Variants in ARMC6 observed in about 807,000 individuals in gnomAD.
The protein encoded by ARMC6 is armadillo repeat containing 6, also known as armadillo repeat-containing protein 6.
In ARMC6, 43 loss-of-function variants were observed where a neutral mutation model predicts 49.2. The observed-to-expected ratio is 0.87, with a 90% CI of 0.69 to 1.13. The LOEUF is 1.13. Ranked by LOEUF, ARMC6 falls within the 50% of genes most tolerant of loss-of-function variation. The pLI, the probability that ARMC6 is intolerant of heterozygous loss-of-function variation, is 0.00. For synonymous variants in ARMC6, 262 were observed against 289.6 expected (o/e 0.90, Z 0.97); for missense variants, 627 against 682.0 (o/e 0.92, Z 0.90).
chr19:19,043,990 AG>A lies in ARMC6; in HGVS notation c.199del. 2 of 1,613,750 alleles carry A rather than the reference AG, an allele frequency of 1.2e-6. No homozygotes were observed. Among genetic ancestry groups the A allele is most frequent in the Non-Finnish European group, 1.7e-6 (2 of 1,179,732 alleles). ...TGTGCTTGCTTCCCCCACCCCCAACAGGGGTTGATCTGAGCAACATTGTAAA... is the reference window on the plus strand; with the variant it reads ...TGTGCTTGCTTCCCCCACCCCCAACAGGGTTGATCTGAGCAACATTGTAAA... On this transcript the variant is annotated splice_acceptor_variant, in intron 3 of 8. Transcript: ENST00000535612. LOFTEE classifies it high-confidence loss of function.
chr19:19,051,250 T>G (rs550352630), intron 4 of ARMC6, among the ~76,000 whole-genome samples: 1 of 152,306 alleles, frequency 6.6e-6, no homozygotes, highest in East Asian at 1.9e-4. Context: ...AACTGGATGG[T>G]TCTTCTGCTG....
intron 2 of ARMC6, among the ~76,000 whole-genome samples, chr19:19,035,535 C>A (rs1484993935): frequency 6.6e-6 from 1 of 152,220 alleles, no homozygotes; most frequent in African/African-American, 2.4e-5. Flanking sequence ...TCCAACTCAG[C>A]CCTGTACCAG....
rs1362657814 is a variant in ARMC6, at chr19:19,055,297, A to T, written c.1056A>T (p.Arg352=). Reference sequence around the variant, plus strand: ...TGAAGCAAGTGCTGAGCACCCTGCGAGCCATCGCAGGCAACGACGACGTGA... The same window carrying T: ...TGAAGCAAGTGCTGAGCACCCTGCGTGCCATCGCAGGCAACGACGACGTGA... ...ELVKQVLSTL[R]AIAGNDDVKD... The change falls in exon 7 of 9, where the codon CGA becomes CGT. Residue 352 remains arginine, a synonymous_variant. Transcript: ENST00000535612. This position sits in a 1 kb window ranked among gnomAD's most constrained non-coding sequence, Gnocchi z 5.7. The T allele has an allele frequency of 6.2e-7, 1 of 1,612,156 alleles. No individual in the cohort carries two copies. The highest frequency in any genetic ancestry group is 1.3e-5 in the African/African-American group (1 of 75,030).
rs2059502638 is a variant in ARMC6 at position 19,052,136 on chromosome 19, A to G, written c.794A>G (p.His265Arg). Residue 265 changes from histidine to arginine, a missense_variant, in exon 5 of 9, where the codon CAT becomes CGT. Physicochemically the swap from His to Arg is conservative, Grantham distance 29 (BLOSUM62 0). Coordinates refer to ENST00000535612, the MANE Select transcript of ARMC6 (RefSeq NM_001199196.2). ...IRVPFGHAHNHAKMIVQENKG... is the reference protein window; with the variant it reads ...IRVPFGHAHNRAKMIVQENKG... ...GTGCCCTTTGGCCATGCCCACAACC[A>G]TGCCAAGATGATTGTGCAGGAGAAC... 2 of 1,613,668 alleles carry G rather than the reference A, an allele frequency of 1.2e-6. No individual in the cohort carries two copies. The highest frequency in any genetic ancestry group is 2.2e-5 in the East Asian group (1 of 44,882).
intron 8 of ARMC6, among the ~76,000 whole-genome samples, chr19:19,056,263 GTT>G (rs533708367): frequency 8.9e-5 from 12 of 134,524 alleles, no homozygotes; most frequent in African/African-American, 2.5e-4. Context: ...CCTTCTGTGG[GTT>G]TTTTTTTTTT....
chr19:19,055,490 G>T lies in ARMC6; in HGVS notation c.1155+94G>T. ...GCATGAAGCTCTATTCCCCTGCAGGGCCAGGGCAGGGCTGGTGAGGGTCGT... is the reference window on the plus strand; with the variant it reads ...GCATGAAGCTCTATTCCCCTGCAGGTCCAGGGCAGGGCTGGTGAGGGTCGT... On this transcript the variant is annotated intron_variant, in intron 7 of 8. Transcript: ENST00000535612. This position sits in a 1 kb window ranked among gnomAD's most constrained non-coding sequence, Gnocchi z 5.7. 8 of 1,484,106 alleles carry T rather than the reference G, an allele frequency of 5.4e-6. No individual in the cohort carries two copies. Among genetic ancestry groups the T allele is most frequent in the Non-Finnish European group, 7.2e-6 (8 of 1,113,326 alleles). 91.9% of individuals were successfully genotyped at this position (1,484,106 alleles called of 1,614,324 possible).
intron 4 of ARMC6, among the ~76,000 whole-genome samples, chr19:19,044,752 T>C (rs76549348): frequency 0.019 from 2,941 of 152,256 alleles, 99 homozygotes; most frequent in African/African-American, 0.068. Flanking sequence ...GATTTCCCCA[T>C]TGTAGAGATG....
At chr19:19,050,369 C>T (rs568004005) in intron 4 of ARMC6, among the ~76,000 whole-genome samples, 1 of 152,154 alleles carries the variant, frequency 6.6e-6, no homozygotes, top group Non-Finnish European at 1.5e-5. Context: ...ACTGATGGGT[C>T]ACACAGTAAT....
In ARMC6 at chr19:19,057,648, C is replaced by T. The variant is rs773644573; in HGVS notation, c.*20C>T. 9 of 1,608,446 alleles carry T rather than the reference C, an allele frequency of 5.6e-6. No homozygotes were observed. The highest frequency in any genetic ancestry group is 2.2e-5 in the East Asian group (1 of 44,818). ...CCATGACCCCAGGCCCAGTCTGGGC[C>T]GTGACTCTGGGTGAGTCGTGTGACT... is the stretch of plus-strand genomic sequence containing the variant. On this transcript the variant is annotated 3_prime_UTR_variant, in exon 9 of 9. Coordinates refer to ENST00000535612, the MANE Select transcript of ARMC6 (RefSeq NM_001199196.2).
intron 2 of ARMC6, among the ~76,000 whole-genome samples, chr19:19,035,527 C>T (rs904619052): frequency 1.3e-5 from 2 of 152,212 alleles, no homozygotes; most frequent in African/African-American, 4.8e-5. Flanking sequence ...TTTCCTCCTC[C>T]AACTCAGCCC....
At position 19,055,920 on chromosome 19, in the gene ARMC6, G is replaced by T; in HGVS notation, c.1285G>T (p.Gly429Cys). Residue 429 changes from glycine to cysteine, a missense_variant, in exon 8 of 9, where the codon GGC becomes TGC. By Grantham distance (159) the Gly-to-Cys change is radical. Coordinates refer to ENST00000535612, the MANE Select transcript of ARMC6 (RefSeq NM_001199196.2). This position sits in a 1 kb window ranked among gnomAD's most constrained non-coding sequence, Gnocchi z 5.7. ...QAMKAHPQKAGVQKQACMLIR... is the reference protein window; with the variant it reads ...QAMKAHPQKACVQKQACMLIR... ...CATGAAGGCACACCCGCAGAAGGCCGGCGTGCAGGTGGGCAGGGCAGGGGA... is the reference window on the plus strand; with the variant it reads ...CATGAAGGCACACCCGCAGAAGGCCTGCGTGCAGGTGGGCAGGGCAGGGGA... 1.2e-6 allele frequency: 2 copies of T among 1,609,692 alleles called. No individual in the cohort carries two copies.
chr19:19,045,326 T>A (rs2059440702), intron 4 of ARMC6, among the ~76,000 whole-genome samples: 2 of 152,174 alleles, frequency 1.3e-5, no homozygotes, highest in Admixed American at 1.3e-4. Flanking sequence ...ATGAATTTAT[T>A]TTAAAATGAG....
Position 19,051,371 on chromosome 19 carries a change from C to CTG in ARMC6, c.280-250_280-249insGT, listed in dbSNP as rs1349643143. Among the ~76,000 whole-genome samples, 488 of 122,842 alleles carry CTG rather than the reference C, an allele frequency of 4.0e-3. 1 individual carries two copies. Among genetic ancestry groups the CTG allele is most frequent in the African/African-American group, 0.018 (468 of 25,680 alleles). The allele number at this position is 122,842 out of a possible 152,430, so 80.6% of individuals were successfully genotyped here. ...CTGAGTTGTCTGGATCTCTCTCTCT[C>CTG]TCTCTGTGTGTGTGTGTGTGTGTGT... On this transcript the variant is annotated intron_variant, in intron 4 of 8. Transcript: ENST00000535612.
At chr19:19,033,973 G>A in intron 1 of ARMC6, 43 bp downstream of exon 1, 1 of 534,086 alleles carries the variant, frequency 1.9e-6, no homozygotes, top group South Asian at 2.1e-5. Context: ...CGCGGAGTGG[G>A]GAGTGGGGGT....
At chr19:19,041,463 C>G (rs1324154574) in intron 2 of ARMC6, among the ~76,000 whole-genome samples, 1 of 152,002 alleles carries the variant, frequency 6.6e-6, no homozygotes, top group Non-Finnish European at 1.5e-5. Flanking sequence ...ATTCTCCTGC[C>G]TCAGCCTCCC....
rs1325191985 is a variant in ARMC6 at position 19,042,708 on chromosome 19, C to G, written c.30-3C>G. On this transcript the variant is annotated splice_region_variant and splice_polypyrimidine_tract_variant and intron_variant, in intron 2 of 8. Transcript: ENST00000535612. ...TAGCTCTCTCTTTGCCCTAACCTCT[C>G]AGCTCAGGAGCATCTATCGGCTGCA... 1 of 1,612,400 alleles carries G rather than the reference C, an allele frequency of 6.2e-7. No homozygotes were observed. Among genetic ancestry groups the G allele is most frequent in the Admixed American group, 1.7e-5 (1 of 60,028 alleles).
At chr19:19,038,898 T>TACACAC (rs35676976) in intron 2 of ARMC6, among the ~76,000 whole-genome samples, 9,183 of 147,212 alleles carry the variant, frequency 0.062, 335 homozygotes, top group Admixed American at 0.11. Context: ...TTTGTGTGTA[T>TACACAC]ACACACACAC....
At chr19:19,045,490 A>ATTATTTTTTTTTTTTTTTT (rs1355279150) in intron 4 of ARMC6, among the ~76,000 whole-genome samples, 4 of 28,232 alleles carry the variant, frequency 1.4e-4, no homozygotes, top group South Asian at 1.2e-3. Context: ...ATTATGCTAA[A>ATTATTTTTTTTTTTTTTTT]TTCTTTTTTT....
chr19:19,040,839 A>ATT, intron 2 of ARMC6: 11 of 377,658 alleles, frequency 2.9e-5, no homozygotes, highest in East Asian at 8.9e-5. Context: ...TATGTACTGG[A>ATT]TTTTTTTTTA....
Sources: allele counts gnomAD v4.1 joint callset (sites outside exome capture counted in the v4.1 genomes callset), GRCh38; gene constraint gnomAD v4.1.1; non-coding constraint Gnocchi (gnomAD v3.1); transcripts MANE v1.5; gene names NCBI Gene and HGNC (gene_info 2026-07-23, HGNC 2026-07-21).